Variants in CAVIN1 observed in about 807,000 individuals in gnomAD.
The protein encoded by CAVIN1 is caveolae associated protein 1, also known as caveolae-associated protein 1.
CAVIN1 carries 16 observed loss-of-function variants against 24.0 expected under a neutral mutation model. The ratio of observed to expected loss-of-function variants is 0.67; its 90% CI spans 0.45 to 1.01. The LOEUF is 1.01. Ranked by LOEUF, CAVIN1 falls within the 50% of genes least tolerant of loss-of-function variation. The pLI is 0.00. For missense variants in CAVIN1, 510 were observed against 551.7 expected (o/e 0.92, Z 0.76); for synonymous variants, 256 against 256.4 (o/e 1.00, Z 0.02).
intron 1 of CAVIN1, chr17:42,411,621 G>A: frequency 1.0e-6 from 1 of 985,410 alleles, no homozygotes; most frequent in Non-Finnish European, 1.2e-6. Flanking sequence ...GCTGCAGGGA[G>A]TGGGTGGAGA....
intron 1 of CAVIN1, among the ~76,000 whole-genome samples, chr17:42,422,161 G>A (rs2085552456): frequency 6.6e-6 from 1 of 152,172 alleles, no homozygotes; most frequent in African/African-American, 2.4e-5. Context: ...CAGGCCCGCA[G>A]GCGCAGAGGC....
At chr17:42,413,464 C>G (rs978920392) in intron 1 of CAVIN1, among the ~76,000 whole-genome samples, 17 of 147,278 alleles carry the variant, frequency 1.2e-4, no homozygotes, top group Admixed American at 6.3e-4. Flanking sequence ...GAGGCTGAGG[C>G]AGGAGAATCA....
Position 42,422,808 on chromosome 17 carries a change from C to A in CAVIN1, c.290G>T (p.Gly97Val). 6.2e-7 allele frequency: 1 copy of A among 1,613,790 alleles called. No homozygotes were observed. The highest frequency in any genetic ancestry group is 8.5e-7 in the Non-Finnish European group (1 of 1,179,916). ...QSIQGELSKL[G>V]KAHATTSNTV... ...ATTGCTCGTGGTGGCGTGCGCCTTG[C>A]CCAGCTTGCTCAGCTCGCCCTGGAT... The change falls in exon 1 of 2, where the codon GGC becomes GTC. Residue 97 changes from glycine (G) to valine (V), a missense_variant. Gly to Val is a moderately radical substitution (Grantham distance 109). Transcript: ENST00000357037.
At chr17:42,405,665 T>C (rs1184257209) in intron 1 of CAVIN1, among the ~76,000 whole-genome samples, 1 of 140,532 alleles carries the variant, frequency 7.1e-6, no homozygotes, top group East Asian at 2.1e-4. Context: ...CGCCATTCTT[T>C]CTCTCTCTCT....
At position 42,411,207 on chromosome 17, in the gene CAVIN1, A is replaced by AAAAAAAAAAAAAAAAAAAAC. The variant is rs758609413; in HGVS notation, c.472-5820_472-5819insGTTTTTTTTTTTTTTTTTTT. 4.7e-3 allele frequency among the ~76,000 whole-genome samples: 598 copies of AAAAAAAAAAAAAAAAAAAAC among 127,234 alleles called. 60 individuals carry two copies. Among genetic ancestry groups the AAAAAAAAAAAAAAAAAAAAC allele is most frequent in the East Asian group, 0.015 (46 of 3,134 alleles). The allele number at this position is 127,234 out of a possible 152,430, so 83.5% of individuals were successfully genotyped here. On this transcript the variant is annotated intron_variant, in intron 1 of 1. Transcript: ENST00000357037. The stretch of plus-strand genomic sequence containing the variant: ...GACTATGTCTCAAAAAAAAAAAAAA[A>AAAAAAAAAAAAAAAAAAAAC]AACTAAAAGGTCTGTATATGGGAGT...
intron 1 of CAVIN1, among the ~76,000 whole-genome samples, chr17:42,416,513 G>T (rs1400162879): frequency 6.8e-6 from 1 of 146,246 alleles, no homozygotes; most frequent in Non-Finnish European, 1.5e-5. Context: ...TGGGAGGATT[G>T]CTTGAGCCTA....
At position 42,414,273 on chromosome 17, in the gene CAVIN1, T is replaced by C. The variant is rs941390182; in HGVS notation, c.471+8354A>G. 7.9e-5 allele frequency among the ~76,000 whole-genome samples: 12 copies of C among 152,214 alleles called. No homozygotes were observed. The South Asian group carries it at 1.2e-3, about 16-fold the overall frequency. On this transcript the variant is annotated intron_variant, in intron 1 of 1. Transcript: ENST00000357037. Reference sequence around the variant, plus strand: ...CCCCAAATGAGGAGAGGGATAGGCATGGAAGAGGGACATCCTGGCAATTTC... The same window carrying C: ...CCCCAAATGAGGAGAGGGATAGGCACGGAAGAGGGACATCCTGGCAATTTC...
chr17:42,414,727 T>G (rs773147406), intron 1 of CAVIN1, among the ~76,000 whole-genome samples: 18 of 152,044 alleles, frequency 1.2e-4, no homozygotes, highest in Non-Finnish European at 1.9e-4. Context: ...CAGTATTTGA[T>G]AAAGCCTGTA....
chr17:42,414,645 G>A (rs1188836897), intron 1 of CAVIN1, among the ~76,000 whole-genome samples: 2 of 152,104 alleles, frequency 1.3e-5, no homozygotes, highest in Non-Finnish European at 2.9e-5. Context: ...GAAGACTATA[G>A]GCTTCTTGCT....
chr17:42,411,569 T>C (rs2085479038), intron 1 of CAVIN1: 1 of 985,382 alleles, frequency 1.0e-6, no homozygotes, highest in Non-Finnish European at 1.2e-6. Context: ...CAAAGCATTT[T>C]CTAAAAGAAA....
chr17:42,412,705 C>T (rs2085487101), intron 1 of CAVIN1, among the ~76,000 whole-genome samples: 1 of 152,122 alleles, frequency 6.6e-6, no homozygotes, highest in South Asian at 2.1e-4. Context: ...GCAACCTCCA[C>T]CTCCCAGGTT....
rs552276447 is a variant in CAVIN1 at position 42,404,794 on chromosome 17, C to A, written c.1066G>T (p.Gly356Trp). Reference sequence around the variant, plus strand: ...CCGCGCCGCAGGTCGCCGGCCTCCCCGCGCTCCGCGCCGCCCTCGTCGTCG... The same window carrying A: ...CCGCGCCGCAGGTCGCCGGCCTCCCAGCGCTCCGCGCCGCCCTCGTCGTCG... ...ADDDEGGAER[G>W]EAGDLRRGSS... The change falls in exon 2 of 2, where the codon GGG becomes TGG. Residue 356 changes from glycine (G) to tryptophan (W), a missense_variant. Transcript: ENST00000357037. The A allele has an allele frequency of 1.2e-6, 2 of 1,602,836 alleles. No homozygotes were observed. The highest frequency in any genetic ancestry group is 2.3e-5 in the East Asian group (1 of 44,342).
At chr17:42,411,790 G>A (rs1245756436) in intron 1 of CAVIN1, 1 of 985,328 alleles carries the variant, frequency 1.0e-6, no homozygotes, top group Non-Finnish European at 1.2e-6. Context: ...CAGCTTAAGT[G>A]TGGGGGAGCA....
At chr17:42,407,580 C>A (rs1056514325) in intron 1 of CAVIN1, among the ~76,000 whole-genome samples, 5 of 152,118 alleles carry the variant, frequency 3.3e-5, no homozygotes, top group Non-Finnish European at 7.4e-5. Flanking sequence ...TTAGCAGGGA[C>A]AAAGAGGGAA....
Position 42,404,380 on chromosome 17 carries a change from C to A in CAVIN1, c.*307G>T, listed in dbSNP as rs1245192218. Reference sequence around the variant, plus strand: ...GAGAGGCTGAGGGGAAGGCAGCCCCCCCAGGGGGGCCTAACCGTGGAATCA... The same window carrying A: ...GAGAGGCTGAGGGGAAGGCAGCCCCACCAGGGGGGCCTAACCGTGGAATCA... On this transcript the variant is annotated 3_prime_UTR_variant, in exon 2 of 2. Coordinates refer to ENST00000357037, the MANE Select transcript of CAVIN1 (RefSeq NM_012232.6). 1 of 251,942 alleles carries A rather than the reference C, an allele frequency of 4.0e-6. No homozygotes were observed. Among genetic ancestry groups the A allele is most frequent in the Non-Finnish European group, 7.6e-6 (1 of 132,436 alleles). The allele number at this position is 251,942 out of a possible 1,614,324, so 15.6% of individuals were successfully genotyped here.
In CAVIN1 at chr17:42,405,340, C is replaced by CT. The variant is rs750159500; in HGVS notation, c.519dup (p.Glu174ArgfsTer37). 2.5e-6 allele frequency: 4 copies of CT among 1,609,524 alleles called. No individual in the cohort carries two copies. Among genetic ancestry groups the CT allele is most frequent in the East Asian group, 2.2e-5 (1 of 44,870 alleles). On this transcript the variant is annotated frameshift_variant, in exon 2 of 2. Transcript: ENST00000357037. LOFTEE classifies it high-confidence loss of function. The stretch of plus-strand genomic sequence containing the variant: ...TCCTTCTCTGGCAGCGCCTCCGACT[C>CT]TTTCAGCGATTTGCTGATGCTCAGT...
chr17:42,411,997 T>C (rs2085481686), intron 1 of CAVIN1: 1 of 985,400 alleles, frequency 1.0e-6, no homozygotes, highest in Non-Finnish European at 1.2e-6. Context: ...GGGCTGACAG[T>C]GGACTGAAGA....
In CAVIN1 at chr17:42,403,257, C is replaced by G. The variant is rs945337004; in HGVS notation, c.*1430G>C. ...GGGAAGGAGCTTGAGAAGAAACTGC[C>G]AGGAGTGAACCAGGGCTGGCTGCTC... On this transcript the variant is annotated 3_prime_UTR_variant, in exon 2 of 2. Coordinates refer to ENST00000357037, the MANE Select transcript of CAVIN1 (RefSeq NM_012232.6). The G allele has an allele frequency of 6.6e-6, 1 of 152,454 alleles. No homozygotes were observed. Among genetic ancestry groups the G allele is most frequent in the African/African-American group, 2.4e-5 (1 of 41,416 alleles). The allele number at this position is 152,454 out of a possible 1,614,324, so 9.4% of individuals were successfully genotyped here. A position where few individuals can be genotyped will look rare whatever the true frequency, so the allele number is the denominator to read the frequency against.
intron 1 of CAVIN1, among the ~76,000 whole-genome samples, chr17:42,422,418 C>T (rs1201764384): frequency 6.6e-6 from 1 of 152,104 alleles, no homozygotes; most frequent in African/African-American, 2.4e-5. Flanking sequence ...CCTCTACGCG[C>T]CCCAGGAGTC....
Sources: allele counts gnomAD v4.1 joint callset (sites outside exome capture counted in the v4.1 genomes callset), GRCh38; gene constraint gnomAD v4.1.1; transcripts MANE v1.5; gene names NCBI Gene and HGNC (gene_info 2026-07-23, HGNC 2026-07-21).